BEAN1: variants seen among roughly 807,000 people sequenced by gnomAD.
BEAN1 encodes the protein brain expressed associated with NEDD4 1.
Under a neutral mutation model 17.7 loss-of-function variants are expected in BEAN1, and 17 were observed. The observed-to-expected ratio is 0.96, with a 90% confidence interval of 0.66 to 1.44. The LOEUF is 1.44. BEAN1 is among the 40% of genes most tolerant of loss of function. BEAN1 has a pLI of 0.00. For missense variants in BEAN1, 359 were observed against 374.1 expected, an observed-to-expected ratio of 0.96 and a Z score of 0.33; for synonymous variants, 142 against 151.8, an observed-to-expected ratio of 0.94 and a Z score of 0.47.
intron 2 of BEAN1, among the ~76,000 whole-genome samples, chr16:66,443,323 TG>T (rs1962328752): frequency 1.3e-5 from 2 of 152,222 alleles, no homozygotes; most frequent in South Asian, 2.1e-4. Context: ...GAAGAAGTCC[TG>T]CAAGGGAGGG....
intron 2 of BEAN1, among the ~76,000 whole-genome samples, chr16:66,468,033 C>G (rs1431557858): frequency 6.6e-6 from 1 of 152,188 alleles, no homozygotes; most frequent in East Asian, 1.9e-4. Flanking sequence ...AGTGTCAAGC[C>G]TCTGATTGGT....
chr16:66,448,002 T>G (rs764500337), intron 2 of BEAN1, among the ~76,000 whole-genome samples: 4 of 152,182 alleles, frequency 2.6e-5, no homozygotes, highest in African/African-American at 7.2e-5. Flanking sequence ...AAAGTAAAAC[T>G]GTGACCCAAG....
chr16:66,427,694 G>T lies in BEAN1; in HGVS notation c.-83+263G>T, dbSNP rs895522511. The T allele has an allele frequency of 6.6e-6, 1 of 152,118 alleles. No homozygotes were observed. Among genetic ancestry groups the T allele is most frequent in the Non-Finnish European group, 1.5e-5 (1 of 68,042 alleles). The allele number at this position is 152,118 out of a possible 1,614,324, so 9.4% of individuals were successfully genotyped here. On this transcript the variant is annotated intron_variant, in intron 1 of 4. Transcript: ENST00000536005. This position sits in a 1 kb window ranked among gnomAD's most constrained non-coding sequence, Gnocchi z 4.7. ...GCGAGCCGAGGCTGACCCTGATCGC[G>T]CCCTCGGGCCTCGGGGAAGGGGAGG...
chr16:66,439,186 G>T (rs939287506), intron 2 of BEAN1, among the ~76,000 whole-genome samples: 1 of 152,214 alleles, frequency 6.6e-6, no homozygotes, highest in Non-Finnish European at 1.5e-5. Flanking sequence ...TGTTCAAAGA[G>T]TAGTGTCCAG....
intron 2 of BEAN1, 127 bp from the exon 3 acceptor site, chr16:66,469,475 G>C (rs544612368): frequency 8.4e-7 from 1 of 1,189,436 alleles, no homozygotes; most frequent in East Asian, 2.6e-5. Context: ...GATAGAGTCC[G>C]TGGGCCTGAG....
At chr16:66,459,922 A>G (rs1195254539) in intron 2 of BEAN1, among the ~76,000 whole-genome samples, 1 of 152,164 alleles carries the variant, frequency 6.6e-6, no homozygotes, top group Non-Finnish European at 1.5e-5. Context: ...TGTGGATCCC[A>G]CGATTGGGCT....
At chr16:66,464,128 G>C (rs1278160113) in intron 2 of BEAN1, among the ~76,000 whole-genome samples, 1 of 152,162 alleles carries the variant, frequency 6.6e-6, no homozygotes, top group Non-Finnish European at 1.5e-5. Flanking sequence ...ATTTTCACAT[G>C]AATTTTAAGA....
At chr16:66,461,947 A>C (rs1005480171) in intron 2 of BEAN1, among the ~76,000 whole-genome samples, 5 of 152,194 alleles carry the variant, frequency 3.3e-5, no homozygotes, top group Admixed American at 6.5e-5. Flanking sequence ...GGATCATGCT[A>C]GATGAGTGGT....
intron 2 of BEAN1, among the ~76,000 whole-genome samples, chr16:66,454,756 G>C (rs1437329255): frequency 7.6e-6 from 1 of 130,856 alleles, no homozygotes; most frequent in East Asian, 2.1e-4. Flanking sequence ...TTTTGCTTTG[G>C]GTTTGGTTTT....
At chr16:66,469,306 C>A (rs1035101362) in intron 2 of BEAN1, among the ~76,000 whole-genome samples, 1 of 152,218 alleles carries the variant, frequency 6.6e-6, no homozygotes, top group African/African-American at 2.4e-5. Context: ...TTGGGCAAGT[C>A]CACTGCCCTC....
intron 2 of BEAN1, among the ~76,000 whole-genome samples, chr16:66,454,729 CTTTTTTT>C (rs538469751): frequency 1.4e-3 from 113 of 83,684 alleles, no homozygotes; most frequent in East Asian, 2.0e-3. Context: ...TTCTTTCTTT[CTTTTTTT>C]TTTTTTTTTT....
At chr16:66,431,699 T>G (rs1030270255) in intron 1 of BEAN1, among the ~76,000 whole-genome samples, 1 of 151,980 alleles carries the variant, frequency 6.6e-6, no homozygotes, top group East Asian at 1.9e-4. Flanking sequence ...AATAACAGGG[T>G]TTTCCCCCCC....
chr16:66,458,474 A>ACTGATTATTTTTGAAT (rs1208333881), intron 2 of BEAN1, among the ~76,000 whole-genome samples: 1 of 152,072 alleles, frequency 6.6e-6, no homozygotes, highest in Non-Finnish European at 1.5e-5. Context: ...GCCTCTTCAA[A>ACTGATTATTTTTGAAT]CAGCCAGCAG....
chr16:66,476,073 G>T (rs1228476744), intron 3 of BEAN1, among the ~76,000 whole-genome samples: 2 of 148,676 alleles, frequency 1.3e-5, no homozygotes, highest in African/African-American at 2.5e-5. Flanking sequence ...TCGCGCCACT[G>T]CACTCCAGCC....
Position 66,471,031 on chromosome 16 carries a change from T to C in BEAN1, c.289+1166T>C, listed in dbSNP as rs1433675013. 2.6e-5 allele frequency among the ~76,000 whole-genome samples: 4 copies of C among 152,162 alleles called. No homozygotes were observed. Among genetic ancestry groups the C allele is most frequent in the Non-Finnish European group, 5.9e-5 (4 of 68,020 alleles). On this transcript the variant is annotated intron_variant, in intron 3 of 4. Transcript: ENST00000536005. This position sits in a 1 kb window ranked among gnomAD's most constrained non-coding sequence, Gnocchi z 4.7. Reference sequence around the variant, plus strand: ...GCCAACCTCCTAGGAGCCAGAGCCATGGCCAGACCTGAGGCGTTTCCCTCT... The same window carrying C: ...GCCAACCTCCTAGGAGCCAGAGCCACGGCCAGACCTGAGGCGTTTCCCTCT...
rs1032563705 is a variant in BEAN1 at position 66,427,625 on chromosome 16, G to C, written c.-83+194G>C. On this transcript the variant is annotated intron_variant, in intron 1 of 4. Coordinates refer to ENST00000536005, the MANE Select transcript of BEAN1 (RefSeq NM_001178020.3). This position sits in a 1 kb window ranked among gnomAD's most constrained non-coding sequence, Gnocchi z 4.7. ...CGCTCGGAACGGAGCGGGATCCCGG[G>C]TCTCCCGCGGACCCTCGACCCCGGG... is the stretch of plus-strand genomic sequence containing the variant. 3.3e-5 allele frequency: 5 copies of C among 152,122 alleles called. No individual in the cohort carries two copies. Among genetic ancestry groups the C allele is most frequent in the African/African-American group, 9.7e-5 (4 of 41,432 alleles). 9.4% of individuals were successfully genotyped at this position (152,122 alleles called of 1,614,324 possible).
chr16:66,466,628 C>T (rs905886644), intron 2 of BEAN1, among the ~76,000 whole-genome samples: 4 of 152,150 alleles, frequency 2.6e-5, no homozygotes, highest in Non-Finnish European at 5.9e-5. Context: ...TGCAGTGGCA[C>T]GATCTTTGCT....
At chr16:66,489,841 C>A (rs1964140542) in intron 4 of BEAN1, among the ~76,000 whole-genome samples, 1 of 152,048 alleles carries the variant, frequency 6.6e-6, no homozygotes. Flanking sequence ...CCAGGGGGAT[C>A]TATTTTCGAG....
intron 2 of BEAN1, among the ~76,000 whole-genome samples, chr16:66,444,919 C>T (rs987565575): frequency 6.6e-6 from 1 of 152,216 alleles, no homozygotes; most frequent in African/African-American, 2.4e-5. Flanking sequence ...TCTGCAGCAC[C>T]GCTCCATCAT....
Sources: gnomAD v4.1 joint callset for allele counts (sites outside exome capture counted in the v4.1 genomes callset) on GRCh38, gnomAD v4.1.1 for gene constraint, Gnocchi (gnomAD v3.1) non-coding constraint, MANE v1.5 for transcripts, NCBI Gene and HGNC (gene_info 2026-07-23, HGNC 2026-07-21) for gene names.